The following ITPRID1 variants were observed in gnomAD, a reference collection of about 807,000 sequenced individuals.
ITPRID1 encodes protein ITPRID1.
A neutral mutation model predicts 95.4 loss-of-function variants in ITPRID1; 96 were observed. That is an observed-to-expected ratio of 1.01 (90% CI 0.85 to 1.19). The LOEUF is 1.19. ITPRID1 is among the 50% of genes most tolerant of loss of function. ITPRID1 has a pLI of 0.00. For synonymous variants in ITPRID1, 510 were observed against 453.6 expected (o/e 1.12, Z -1.58); for missense variants, 1,339 against 1,252.9 (o/e 1.07, Z -1.04).
At chr7:31,581,865 A>G (rs1280226696) in intron 9 of ITPRID1, among the ~76,000 whole-genome samples, 3 of 152,200 alleles carry the variant, frequency 2.0e-5, no homozygotes, top group Non-Finnish European at 4.4e-5. Flanking sequence ...AGTGAAAATA[A>G]TGCTAAGAAG....
chr7:31,639,405 C>CACT (rs4000185), intron 10 of ITPRID1, among the ~76,000 whole-genome samples: 2 of 151,752 alleles, frequency 1.3e-5, no homozygotes, highest in South Asian at 4.1e-4. Flanking sequence ...TTACTGGAGA[C>CACT]GTTGTTTTCA....
At chr7:31,563,623 T>G (rs537704838) in intron 5 of ITPRID1, among the ~76,000 whole-genome samples, 1 of 152,186 alleles carries the variant, frequency 6.6e-6, no homozygotes, top group African/African-American at 2.4e-5. Context: ...CCAGCTCTAT[T>G]ATAGTGAGTC....
In ITPRID1 at chr7:31,566,379, C is replaced by T. The variant is rs1050802050; in HGVS notation, c.257-3379C>T. ...CTAGGAAACCCAGAGCAATAGCAGG[C>T]AAACAAAAAAGACCAAAGCAGTGGC... is the stretch of plus-strand genomic sequence containing the variant. On this transcript the variant is annotated intron_variant, in intron 5 of 14. Transcript: ENST00000615280. Among the ~76,000 whole-genome samples the T allele has an allele frequency of 4.6e-5, 7 of 152,144 alleles. No homozygotes were observed. In the South Asian group the frequency reaches 8.3e-4, roughly 18 times the overall value.
chr7:31,620,552 G>C (rs1036045113), intron 10 of ITPRID1, among the ~76,000 whole-genome samples: 2 of 151,370 alleles, frequency 1.3e-5, no homozygotes, highest in African/African-American at 4.9e-5. Context: ...TGAGGGTCCT[G>C]TCTGTTAGAA....
intron 10 of ITPRID1, among the ~76,000 whole-genome samples, chr7:31,590,121 T>C (rs569604695): frequency 3.9e-5 from 6 of 152,112 alleles, no homozygotes; most frequent in Admixed American, 2.0e-4. Context: ...CAGGTTGAAG[T>C]GCAGTGGTGC....
chr7:31,642,586 G>A, intron 11 of ITPRID1, 96 bp from the exon 12 acceptor site: 1 of 1,111,510 alleles, frequency 9.0e-7, no homozygotes, highest in Non-Finnish European at 1.3e-6. Context: ...CTTATCTCCT[G>A]ACTCCTAAGG....
intron 10 of ITPRID1, among the ~76,000 whole-genome samples, chr7:31,589,459 GATTTAC>G (rs775440816): frequency 2.0e-5 from 3 of 152,100 alleles, no homozygotes; most frequent in Non-Finnish European, 4.4e-5. Flanking sequence ...TTTGCTCAAA[GATTTAC>G]ATTTACAGAT....
At chr7:31,570,292 C>T (rs763046199) in intron 6 of ITPRID1, among the ~76,000 whole-genome samples, 21 of 152,180 alleles carry the variant, frequency 1.4e-4, no homozygotes, top group African/African-American at 5.1e-4. Context: ...TTGTGGGGGA[C>T]CTTCATAGAA....
intron 1 of ITPRID1, among the ~76,000 whole-genome samples, chr7:31,523,562 G>A (rs1783334881): frequency 6.6e-6 from 1 of 152,172 alleles, no homozygotes; most frequent in Non-Finnish European, 1.5e-5. Context: ...GTGGGGCCTG[G>A]TGGGAGATGT....
chr7:31,618,550 G>T (rs1033855274), intron 10 of ITPRID1, among the ~76,000 whole-genome samples: 8 of 152,200 alleles, frequency 5.3e-5, no homozygotes, highest in African/African-American at 1.7e-4. Context: ...AGAAAAGGTA[G>T]AGATGATGTT....
intron 12 of ITPRID1, among the ~76,000 whole-genome samples, chr7:31,644,534 T>A (rs758286233): frequency 6.6e-6 from 1 of 152,226 alleles, no homozygotes; most frequent in Non-Finnish European, 1.5e-5. Context: ...TTTTACATTG[T>A]TCAGGTCTTG....
intron 10 of ITPRID1, among the ~76,000 whole-genome samples, chr7:31,629,049 A>G (rs1788756991): frequency 6.6e-6 from 1 of 152,150 alleles, no homozygotes; most frequent in Admixed American, 6.5e-5. Context: ...TTTGAAACCT[A>G]TCTATTGTCT....
chr7:31,514,822 A>G (rs1782997675), intron 1 of ITPRID1, among the ~76,000 whole-genome samples: 1 of 152,014 alleles, frequency 6.6e-6, no homozygotes, highest in Admixed American at 6.6e-5. Context: ...ACACAAATAG[A>G]TATATAAATT....
intron 10 of ITPRID1, among the ~76,000 whole-genome samples, chr7:31,584,624 C>T (rs1384234385): frequency 6.6e-6 from 1 of 152,110 alleles, no homozygotes; most frequent in Non-Finnish European, 1.5e-5. Flanking sequence ...TGAAGGAGAG[C>T]CTAATGGATA....
At position 31,578,356 on chromosome 7, in the gene ITPRID1, G is replaced by A; in HGVS notation, c.1092G>A (p.Glu364=). Residue 364 remains glutamate (E), a synonymous_variant, in exon 9 of 15, where the codon GAG becomes GAA. Coordinates refer to ENST00000615280, the MANE Select transcript of ITPRID1 (RefSeq NM_001257967.3). ...CAGTCAAGGGCAGAACTCAGAAGGA[G>A]AACTTATTTCAGACTAACAAGCTCA... ...EGSVKGRTQK[E]NLFQTNKLKS... 1.9e-6 allele frequency: 3 copies of A among 1,613,840 alleles called. No individual in the cohort carries two copies. The highest frequency in any genetic ancestry group is 2.5e-6 in the Non-Finnish European group (3 of 1,179,832).
rs149291134 is a variant in ITPRID1, at chr7:31,652,466, T to C, written c.2824-52T>C. 57 of 1,520,712 alleles carry C rather than the reference T, an allele frequency of 3.7e-5. No individual in the cohort carries two copies. In the African/African-American group the frequency reaches 6.7e-4, roughly 18 times the overall value. 94.2% of individuals were successfully genotyped at this position (1,520,712 alleles called of 1,614,324 possible). On this transcript the variant is annotated intron_variant, in intron 14 of 14. Transcript: ENST00000615280. ...AGCTCACAAGTTTGAGTAAGCTGTT[T>C]GGTGCCAATGTGATGTGCTGTTTAC...
chr7:31,643,433 T>C lies in ITPRID1; in HGVS notation c.2063T>C (p.Leu688Pro). 6.2e-7 allele frequency: 1 copy of C among 1,614,004 alleles called. No homozygotes were observed. The change falls in exon 12 of 15, where the codon CTA (leucine) becomes CCA (proline). Residue 688 changes from leucine (L) to proline (P), a missense_variant. By Grantham distance (98) the Leu-to-Pro change is moderately conservative (BLOSUM62 -3). Coordinates refer to ENST00000615280, the MANE Select transcript of ITPRID1 (RefSeq NM_001257967.3). ...AGGTCTGGTACTTTGGGTCAGATAC[T>C]ACCTGGGACAGAAGCTGAGATGGAA... is the stretch of plus-strand genomic sequence containing the variant. ...KSRSGTLGQI[L>P]PGTEAEMENL... is the part of the protein sequence containing the mutation.
chr7:31,630,865 C>T (rs139779518), intron 10 of ITPRID1, among the ~76,000 whole-genome samples: 2 of 151,854 alleles, frequency 1.3e-5, no homozygotes, highest in East Asian at 1.9e-4. Flanking sequence ...GGAATTACAA[C>T]ATTATTAGAT....
intron 10 of ITPRID1, among the ~76,000 whole-genome samples, chr7:31,609,530 A>G (rs1263605486): frequency 1.3e-5 from 2 of 151,562 alleles, no homozygotes; most frequent in East Asian, 3.9e-4. Flanking sequence ...ATAAGTTTCA[A>G]TACCTTATAC....
Sources: gnomAD v4.1 joint callset for allele counts (sites outside exome capture counted in the v4.1 genomes callset) on GRCh38, gnomAD v4.1.1 for gene constraint, MANE v1.5 for transcripts, NCBI Gene and HGNC (gene_info 2026-07-23, HGNC 2026-07-21) for gene names.